The following CATSPER3 variants were observed in gnomAD, a reference collection of about 807,000 sequenced individuals.
CATSPER3 encodes the protein cation channel sperm-associated protein 3.
In CATSPER3, 23 loss-of-function variants were observed where a neutral mutation model predicts 36.6. The ratio of observed to expected loss-of-function variants is 0.63; its 90% CI spans 0.45 to 0.89. The LOEUF (loss-of-function observed/expected upper bound fraction) is 0.89. Ranked by LOEUF, CATSPER3 falls within the 40% of genes least tolerant of loss-of-function variation. The pLI, the probability that CATSPER3 is intolerant of heterozygous loss-of-function variation, is 0.00. For synonymous variants in CATSPER3, 172 were observed against 184.1 expected (o/e 0.93, Z 0.53); for missense variants, 474 against 503.9 (o/e 0.94, Z 0.57).
chr5:134,992,879 G>A (rs908403128), intron 2 of CATSPER3, among the ~76,000 whole-genome samples: 8 of 152,136 alleles, frequency 5.3e-5, no homozygotes, highest in Non-Finnish European at 1.0e-4. Flanking sequence ...AGTATTCCAC[G>A]ATCTGGCAAT....
At chr5:134,990,649 A>G (rs192025650) in intron 2 of CATSPER3, among the ~76,000 whole-genome samples, 1 of 152,382 alleles carries the variant, frequency 6.6e-6, no homozygotes, top group Non-Finnish European at 1.5e-5. Context: ...AGAATTACCA[A>G]AATATGACAC....
intron 3 of CATSPER3, among the ~76,000 whole-genome samples, chr5:135,000,179 G>A (rs536131249): frequency 6.6e-6 from 1 of 152,288 alleles, no homozygotes; most frequent in South Asian, 2.1e-4. Flanking sequence ...CGTGGTTTTT[G>A]TCTTTGGTTC....
At chr5:134,998,633 C>G (rs1751981985) in intron 3 of CATSPER3, among the ~76,000 whole-genome samples, 1 of 152,170 alleles carries the variant, frequency 6.6e-6, no homozygotes. Flanking sequence ...GAGATGGTAT[C>G]TCATTGTGGT....
At chr5:134,992,293 A>G (rs1311715749) in intron 2 of CATSPER3, among the ~76,000 whole-genome samples, 1 of 152,220 alleles carries the variant, frequency 6.6e-6, no homozygotes, top group African/African-American at 2.4e-5. Flanking sequence ...TTACATAGAC[A>G]TTTCTCCAAA....
intron 2 of CATSPER3, among the ~76,000 whole-genome samples, chr5:134,979,835 G>T (rs993930146): frequency 1.3e-5 from 2 of 152,168 alleles, no homozygotes; most frequent in African/African-American, 4.8e-5. Flanking sequence ...TAGGGGTAAT[G>T]TAGAGTTGTA....
chr5:135,009,523 G>C, intron 6 of CATSPER3, 33 bp downstream of exon 6: 1 of 1,607,324 alleles, frequency 6.2e-7, no homozygotes, highest in Non-Finnish European at 8.5e-7. Flanking sequence ...TGGACAGATG[G>C]GTGGATGGAT....
chr5:134,976,943 G>A (rs1004821999), intron 2 of CATSPER3, among the ~76,000 whole-genome samples: 7 of 152,220 alleles, frequency 4.6e-5, no homozygotes, highest in African/African-American at 7.2e-5. Flanking sequence ...AAGCCAGGAT[G>A]TGGGGAGCAG....
chr5:134,994,440 G>T (rs1260929707), intron 2 of CATSPER3, among the ~76,000 whole-genome samples: 1 of 152,148 alleles, frequency 6.6e-6, no homozygotes, highest in Non-Finnish European at 1.5e-5. Context: ...AGAACAAGAG[G>T]AACATTGCTG....
At chr5:134,995,309 C>G (rs1751931526) in intron 2 of CATSPER3, among the ~76,000 whole-genome samples, 2 of 152,018 alleles carry the variant, frequency 1.3e-5, no homozygotes, top group African/African-American at 4.8e-5. Flanking sequence ...CCTCTGGTAA[C>G]CACTAGTCTA....
At chr5:134,984,493 A>G (rs1055941068) in intron 2 of CATSPER3, among the ~76,000 whole-genome samples, 4 of 152,208 alleles carry the variant, frequency 2.6e-5, no homozygotes, top group Non-Finnish European at 5.9e-5. Flanking sequence ...AGATACACAA[A>G]TGGCCAACAA....
chr5:134,980,555 C>T (rs1023847557), intron 2 of CATSPER3, among the ~76,000 whole-genome samples: 6 of 151,490 alleles, frequency 4.0e-5, no homozygotes, highest in African/African-American at 7.3e-5. Context: ...CTCAGCCTCC[C>T]GAGTAGCTGG....
At chr5:134,981,156 C>T (rs1751746344) in intron 2 of CATSPER3, among the ~76,000 whole-genome samples, 2 of 151,838 alleles carry the variant, frequency 1.3e-5, no homozygotes, top group African/African-American at 2.4e-5. Flanking sequence ...CTCTCTCTCT[C>T]TCCCTTTTTT....
chr5:135,011,635 G>C lies in CATSPER3; in HGVS notation c.*12G>C, dbSNP rs767846942. The C allele has an allele frequency of 9.5e-6, 15 of 1,575,068 alleles. No homozygotes were observed. The highest frequency in any genetic ancestry group is 3.3e-4 in the Middle Eastern group (2 of 6,012). On this transcript the variant is annotated 3_prime_UTR_variant, in exon 8 of 8. Coordinates refer to ENST00000282611, the MANE Select transcript of CATSPER3 (RefSeq NM_178019.3). Reference sequence around the variant, plus strand: ...TGGATGAGAAGTAGCTGGGCATGGGGCACCCATGTGCCGAGAGCCTTGCAG... The same window carrying C: ...TGGATGAGAAGTAGCTGGGCATGGGCCACCCATGTGCCGAGAGCCTTGCAG...
intron 2 of CATSPER3, among the ~76,000 whole-genome samples, chr5:134,986,045 A>G (rs1259097659): frequency 2.0e-5 from 3 of 152,140 alleles, no homozygotes; most frequent in African/African-American, 7.2e-5. Context: ...TTAAATATAT[A>G]TATACATAAA....
chr5:134,997,417 C>T (rs1027329138), intron 3 of CATSPER3, among the ~76,000 whole-genome samples: 1 of 152,146 alleles, frequency 6.6e-6, no homozygotes, highest in African/African-American at 2.4e-5. Context: ...CAGTCCAGCC[C>T]TCCCTCTCCT....
intron 3 of CATSPER3, among the ~76,000 whole-genome samples, chr5:135,001,612 T>C (rs1367659479): frequency 6.6e-6 from 1 of 152,172 alleles, no homozygotes; most frequent in Non-Finnish European, 1.5e-5. Context: ...TCTTTGTAGG[T>C]CTCTAAGGAC....
At chr5:135,005,996 G>C (rs1475954537) in intron 3 of CATSPER3, among the ~76,000 whole-genome samples, 1 of 152,206 alleles carries the variant, frequency 6.6e-6, no homozygotes, top group East Asian at 1.9e-4. Context: ...GAGCCCGGGA[G>C]AGCTGAACTG....
At chr5:134,975,897 A>G (rs559308098) in intron 2 of CATSPER3, among the ~76,000 whole-genome samples, 1 of 152,302 alleles carries the variant, frequency 6.6e-6, no homozygotes, top group East Asian at 1.9e-4. Context: ...GGATGAATGG[A>G]TTTTAAAATG....
At chr5:134,999,110 CCAGTTT>C (rs1159514648) in intron 3 of CATSPER3, among the ~76,000 whole-genome samples, 148 of 152,164 alleles carry the variant, frequency 9.7e-4, no homozygotes, top group African/African-American at 3.1e-3. Flanking sequence ...AGGAAGGGAT[CCAGTTT>C]CAGCTTTCTA....
Sources: gnomAD v4.1 joint callset for allele counts (sites outside exome capture counted in the v4.1 genomes callset) on GRCh38, gnomAD v4.1.1 for gene constraint, MANE v1.5 for transcripts, NCBI Gene and HGNC (gene_info 2026-07-23, HGNC 2026-07-21) for gene names.